Variants in MRPL11 observed in about 807,000 individuals in gnomAD.
The protein encoded by MRPL11 is mitochondrial ribosomal protein L11.
Under a neutral mutation model 19.1 loss-of-function variants are expected in MRPL11, and 21 were observed. That is an observed-to-expected ratio of 1.10 (90% CI 0.78 to 1.58). The LOEUF (loss-of-function observed/expected upper bound fraction) is 1.58. MRPL11 is among the 40% of genes most tolerant of loss of function. MRPL11 has a pLI of 0.00. For missense variants in MRPL11, 242 were observed against 243.9 expected, an observed-to-expected ratio of 0.99 and a Z score of 0.05; for synonymous variants, 108 against 99.7, an observed-to-expected ratio of 1.08 and a Z score of -0.49.
Position 66,435,975 on chromosome 11 carries a change from C to G in MRPL11, c.*32G>C, listed in dbSNP as rs1450691203. 6.4e-7 allele frequency: 1 copy of G among 1,562,310 alleles called. No homozygotes were observed. Among genetic ancestry groups the G allele is most frequent in the South Asian group, 1.1e-5 (1 of 89,156 alleles). On this transcript the variant is annotated 3_prime_UTR_variant, in exon 5 of 5. Coordinates refer to ENST00000310999, the MANE Select transcript of MRPL11 (RefSeq NM_016050.5). ...TTGGGCACAGCTTTTGCAACTACCT[C>G]CTTTGAAATCTGGGAGTTGGTGGGG...
chr11:66,438,195 C>T lies in MRPL11; in HGVS notation c.188G>A (p.Gly63Asp). The T allele has an allele frequency of 1.2e-6, 2 of 1,613,960 alleles. No homozygotes were observed. The highest frequency in any genetic ancestry group is 1.7e-6 in the Non-Finnish European group (2 of 1,179,860). The change falls in exon 2 of 5, where the codon GGC becomes GAC. Residue 63 changes from glycine (G) to aspartate (D), a missense_variant. Coordinates refer to ENST00000310999, the MANE Select transcript of MRPL11 (RefSeq NM_016050.5). Reference protein sequence around the residue: ...FNERTKDIKEGIPLPTKILVK... With the variant: ...FNERTKDIKEDIPLPTKILVK... ...TAAAATCTTGGTAGGCAGAGGAATG[C>T]CTTCCTTGATGTCCTTTGTCCTCTC...
Position 66,435,931 on chromosome 11 carries a change from T to C in MRPL11, c.*76A>G, listed in dbSNP as rs867823810. 3.0e-6 allele frequency: 3 copies of C among 1,012,018 alleles called. No homozygotes were observed. The Middle Eastern group carries it at 6.1e-4, about 204-fold the overall frequency. The allele number at this position is 1,012,018 out of a possible 1,614,324, so 62.7% of individuals were successfully genotyped here. A position where few individuals can be genotyped will look rare whatever the true frequency, so the allele number is the denominator to read the frequency against. On this transcript the variant is annotated 3_prime_UTR_variant, in exon 5 of 5. Coordinates refer to ENST00000310999, the MANE Select transcript of MRPL11 (RefSeq NM_016050.5). ...GTCATGAAAACCATCATCATATTGG[T>C]GTGACCTCCTTCCTCCCCTTGGGCA...
rs944422289 is a variant in MRPL11, at chr11:66,435,424, C to T, written c.*583G>A. The T allele has an allele frequency of 1.3e-5, 2 of 152,448 alleles. No individual in the cohort carries two copies. The highest frequency in any genetic ancestry group is 4.8e-5 in the African/African-American group (2 of 41,442). 9.4% of individuals were successfully genotyped at this position (152,448 alleles called of 1,614,324 possible). A position where few individuals can be genotyped will look rare whatever the true frequency, so the allele number is the denominator to read the frequency against. ...AAGTAGCCCCTGGGATCTGGGTACT[C>T]CATGTAGTAACCCTGCCTGGGGCTG... On this transcript the variant is annotated 3_prime_UTR_variant, in exon 5 of 5. Coordinates refer to ENST00000310999, the MANE Select transcript of MRPL11 (RefSeq NM_016050.5).
rs771923265 is a variant in MRPL11, at chr11:66,437,256, C to T, written c.321G>A (p.Glu107=). 4 of 1,614,012 alleles carry T rather than the reference C, an allele frequency of 2.5e-6. No homozygotes were observed. In the South Asian group the frequency reaches 3.3e-5, roughly 13 times the overall value. ...GCTTCAAGGTCACCAGGCCTGCCAC[C>T]TCTTTCCCTGGGAGGAAGGAACAAG... ...IEKGARQTGK[E]VAGLVTLKHV... is the part of the protein sequence containing the mutation. The change falls in exon 4 of 5, where the codon GAG becomes GAA. Residue 107 remains glutamate, a synonymous_variant. Transcript: ENST00000310999.
In MRPL11 at chr11:66,438,654, G is replaced by T. The variant is rs747399560; in HGVS notation, c.101C>A (p.Pro34Gln). The change falls in exon 1 of 5, where the codon CCA becomes CAA. Residue 34 changes from proline to glutamine, a missense_variant. Physicochemically the swap from Pro to Gln is moderately conservative, Grantham distance 76 (BLOSUM62 -1). Transcript: ENST00000310999. The stretch of plus-strand genomic sequence containing the variant: ...CACCTGACCCAGCACTGGGCCTAGT[G>T]GGGGCCCGGGCATGGCCAGGCCTGC... ...VRAGLAMPGP[P>Q]LGPVLGQRGV... 2.6e-6 allele frequency: 4 copies of T among 1,558,750 alleles called. No homozygotes were observed. The Admixed American group carries it at 7.5e-5, about 29-fold the overall frequency.
intron 2 of MRPL11, among the ~76,000 whole-genome samples, chr11:66,437,742 C>T (rs1242162962): frequency 1.3e-5 from 2 of 152,058 alleles, no homozygotes; most frequent in Admixed American, 6.6e-5. Flanking sequence ...GGCGTGGTGG[C>T]GGGCGCCTGT....
chr11:66,435,997 G>T lies in MRPL11; in HGVS notation c.*10C>A, dbSNP rs1325036590. ...CCTCCTTTGAAATCTGGGAGTTGGT[G>T]GGGCAAGGGTCACTTCTTGGCAGCT... On this transcript the variant is annotated 3_prime_UTR_variant, in exon 5 of 5. Coordinates refer to ENST00000310999, the MANE Select transcript of MRPL11 (RefSeq NM_016050.5). The T allele has an allele frequency of 6.2e-7, 1 of 1,607,498 alleles. No homozygotes were observed. Among genetic ancestry groups the T allele is most frequent in the Non-Finnish European group, 8.5e-7 (1 of 1,174,868 alleles).
In MRPL11 at chr11:66,437,158, A is replaced by G; in HGVS notation, c.419T>C (p.Val140Ala). ...GGCAGACCCGATGATGGAGCGGACA[A>G]CAGACGACAGGGGTACATCCTGCAG... The part of the protein sequence containing the change: ...FALQDVPLSS[V>A]VRSIIGSARS... The change falls in exon 4 of 5, where the codon GTT becomes GCT. Residue 140 changes from valine to alanine, a missense_variant. Coordinates refer to ENST00000310999, the MANE Select transcript of MRPL11 (RefSeq NM_016050.5). 1 of 1,614,208 alleles carries G rather than the reference A, an allele frequency of 6.2e-7. No individual in the cohort carries two copies. The highest frequency in any genetic ancestry group is 8.5e-7 in the Non-Finnish European group (1 of 1,180,034).
rs1302087763 is a variant in MRPL11, at chr11:66,435,485, G to A, written c.*522C>T. The A allele has an allele frequency of 6.5e-6, 1 of 153,240 alleles. No homozygotes were observed. The highest frequency in any genetic ancestry group is 1.9e-4 in the East Asian group (1 of 5,216). 9.5% of individuals were successfully genotyped at this position (153,240 alleles called of 1,614,324 possible). A position where few individuals can be genotyped will look rare whatever the true frequency, so the allele number is the denominator to read the frequency against. On this transcript the variant is annotated 3_prime_UTR_variant, in exon 5 of 5. Transcript: ENST00000310999. The stretch of plus-strand genomic sequence containing the variant: ...TCCACAGGGACTTGTTTCTGCAGAG[G>A]TGGCAAGTTGTTCAGAGATAAAAGA...
At chr11:66,436,220 G>A in intron 4 of MRPL11, 108 bp from the exon 5 acceptor site, 1 of 842,158 alleles carries the variant, frequency 1.2e-6, no homozygotes, top group Non-Finnish European at 1.9e-6. Flanking sequence ...TCCAAGCCCA[G>A]CTTGCCTGGC....
rs1317079532 is a variant in MRPL11 at position 66,437,098 on chromosome 11, A to C, written c.473+6T>G. 1.2e-6 allele frequency: 2 copies of C among 1,613,770 alleles called. No homozygotes were observed. The highest frequency in any genetic ancestry group is 1.1e-5 in the South Asian group (1 of 91,058). ...CTCGTCACACTGCACATGCCAGGAT[A>C]CTTACTCCTTCACCACGCGAATGCC... On this transcript the variant is annotated splice_donor_region_variant and intron_variant, in intron 4 of 4. Transcript: ENST00000310999.
rs1010516663 is a variant in MRPL11, at chr11:66,437,213, G to A, written c.364C>T (p.Arg122Cys). Residue 122 changes from arginine to cysteine, a missense_variant, in exon 4 of 5, where the codon CGC becomes TGC. Coordinates refer to ENST00000310999, the MANE Select transcript of MRPL11 (RefSeq NM_016050.5). ...VTLKHVYEIARIKAQDEAFAL... is the reference protein window; with the variant it reads ...VTLKHVYEIACIKAQDEAFAL... ...AATGCCTCATCCTGAGCTTTGATGCGGGCAATCTCATACACATGCTTCAAG... is the reference window on the plus strand; with the variant it reads ...AATGCCTCATCCTGAGCTTTGATGCAGGCAATCTCATACACATGCTTCAAG... The A allele has an allele frequency of 3.0e-5, 49 of 1,614,168 alleles. No individual in the cohort carries two copies. The highest frequency in any genetic ancestry group is 1.6e-4 in the Middle Eastern group (1 of 6,062).
chr11:66,436,090 C>G lies in MRPL11; in HGVS notation c.496G>C (p.Ala166Pro). Residue 166 changes from alanine to proline, a missense_variant, in exon 5 of 5, where the codon GCT becomes CCT. By Grantham distance (27) the Ala-to-Pro change is conservative (BLOSUM62 -1). Transcript: ENST00000310999. Reference sequence around the variant, plus strand: ...AAGATGGCTCGTTCCTTCTGGAAAGCTGCAAGCTCTTCTGAACTGAGGCTG... The same window carrying G: ...AAGATGGCTCGTTCCTTCTGGAAAGGTGCAAGCTCTTCTGAACTGAGGCTG... ...VKDLSSEELA[A>P]FQKERAIFLA... The G allele has an allele frequency of 6.2e-7, 1 of 1,613,922 alleles. No individual in the cohort carries two copies. Among genetic ancestry groups the G allele is most frequent in the Non-Finnish European group, 8.5e-7 (1 of 1,179,910 alleles).
chr11:66,438,669 G>A lies in MRPL11; in HGVS notation c.86C>T (p.Ala29Val), dbSNP rs1489322487. ...VIRAIVRAGL[A>V]MPGPPLGPVL... is the part of the protein sequence containing the mutation. The stretch of plus-strand genomic sequence containing the variant: ...TGGGCCTAGTGGGGGCCCGGGCATG[G>A]CCAGGCCTGCCCGCACGATCGCCCG... The change falls in exon 1 of 5, where the codon GCC becomes GTC. Residue 29 changes from alanine (A) to valine (V), a missense_variant. Coordinates refer to ENST00000310999, the MANE Select transcript of MRPL11 (RefSeq NM_016050.5). 7 of 1,571,976 alleles carry A rather than the reference G, an allele frequency of 4.5e-6. No homozygotes were observed. Among genetic ancestry groups the A allele is most frequent in the Non-Finnish European group, 6.0e-6 (7 of 1,157,324 alleles).
chr11:66,438,304 C>G (rs1053749276), intron 1 of MRPL11, 45 bp from the exon 2 acceptor site: 4 of 1,462,364 alleles, frequency 2.7e-6, no homozygotes, highest in Non-Finnish European at 3.8e-6. Context: ...GAGGGGACGG[C>G]TTCCTATCGC....
chr11:66,436,117 A>C lies in MRPL11; in HGVS notation c.474-5T>G. 2 of 1,612,176 alleles carry C rather than the reference A, an allele frequency of 1.2e-6. No individual in the cohort carries two copies. Among genetic ancestry groups the C allele is most frequent in the Non-Finnish European group, 1.7e-6 (2 of 1,178,632 alleles). On this transcript the variant is annotated splice_region_variant and splice_polypyrimidine_tract_variant and intron_variant, in intron 4 of 4. Coordinates refer to ENST00000310999, the MANE Select transcript of MRPL11 (RefSeq NM_016050.5). Reference sequence around the variant, plus strand: ...GCAAGCTCTTCTGAACTGAGGCTGCAAGTGAAAAAAGACAAATGGTTGGCG... The same window carrying C: ...GCAAGCTCTTCTGAACTGAGGCTGCCAGTGAAAAAAGACAAATGGTTGGCG...
At chr11:66,438,333 T>C in intron 1 of MRPL11, 74 bp from the exon 2 acceptor site, 2 of 1,221,344 alleles carry the variant, frequency 1.6e-6, no homozygotes, top group Non-Finnish European at 2.4e-6. Context: ...CGCCGTCCGT[T>C]CCCTCCTTCG....
At position 66,438,795 on chromosome 11, in the gene MRPL11, C is replaced by A; in HGVS notation, c.-41G>T. The A allele has an allele frequency of 2.1e-6, 3 of 1,454,474 alleles. No individual in the cohort carries two copies. The highest frequency in any genetic ancestry group is 2.7e-6 in the Non-Finnish European group (3 of 1,097,460). The allele number at this position is 1,454,474 out of a possible 1,614,324, so 90.1% of individuals were successfully genotyped here. On this transcript the variant is annotated 5_prime_UTR_variant, in exon 1 of 5. Transcript: ENST00000310999. ...GCTTCAGTTCACCTCAGGGGAGCAGCAAGAGCGAAGCTCTGGGCGCCACCA... is the reference window on the plus strand; with the variant it reads ...GCTTCAGTTCACCTCAGGGGAGCAGAAAGAGCGAAGCTCTGGGCGCCACCA...
At chr11:66,437,306 C>T (rs1035411738) in intron 3 of MRPL11, 43 bp from the exon 4 acceptor site, 15 of 1,614,066 alleles carry the variant, frequency 9.3e-6, no homozygotes, top group Admixed American at 3.3e-5. Flanking sequence ...TTACTGCTTC[C>T]TTCTGGAGCC....
Sources: gnomAD v4.1 joint callset for allele counts (sites outside exome capture counted in the v4.1 genomes callset) on GRCh38, gnomAD v4.1.1 for gene constraint, MANE v1.5 for transcripts, NCBI Gene and HGNC (gene_info 2026-07-23, HGNC 2026-07-21) for gene names.